The following CCDC178 variants were observed in gnomAD, a reference collection of about 807,000 sequenced individuals.
The protein encoded by CCDC178 is coiled-coil domain containing 178.
CCDC178 carries 126 observed loss-of-function variants against 117.4 expected under a neutral mutation model. That is an observed-to-expected ratio of 1.07 (90% CI 0.93 to 1.24). CCDC178 has a LOEUF of 1.24. Among genes scored for constraint, CCDC178 ranks in the 50% most tolerant of loss-of-function variants. CCDC178 has a pLI of 0.00. For synonymous variants in CCDC178, 283 were observed against 313.4 expected (o/e 0.90, Z 1.02); for missense variants, 1,030 against 986.9 (o/e 1.04, Z -0.59).
At chr18:32,979,963 G>T (rs1184025918) in intron 21 of CCDC178, among the ~76,000 whole-genome samples, 1 of 152,112 alleles carries the variant, frequency 6.6e-6, no homozygotes, top group African/African-American at 2.4e-5. Context: ...GTGCGGAAAG[G>T]ATGGCTAATA....
intron 21 of CCDC178, among the ~76,000 whole-genome samples, chr18:33,016,690 AT>A (rs1164400884): frequency 6.6e-6 from 1 of 152,000 alleles, no homozygotes. Context: ...GTATTAATTG[AT>A]ATTAGATTGT....
intron 22 of CCDC178, among the ~76,000 whole-genome samples, chr18:32,969,370 A>G (rs1217569728): frequency 1.3e-5 from 2 of 151,924 alleles, no homozygotes; most frequent in Non-Finnish European, 2.9e-5. Flanking sequence ...ATCTTCCCTA[A>G]TGCACCTGGC....
chr18:32,988,529 AG>A (rs1405694280), intron 21 of CCDC178, among the ~76,000 whole-genome samples: 1 of 152,210 alleles, frequency 6.6e-6, no homozygotes, highest in Non-Finnish European at 1.5e-5. Flanking sequence ...ATGATACTTA[AG>A]GGGGTTTATA....
chr18:33,421,243 C>T (rs1158015932), intron 2 of CCDC178, among the ~76,000 whole-genome samples: 1 of 152,152 alleles, frequency 6.6e-6, no homozygotes, highest in Non-Finnish European at 1.5e-5. Context: ...AGTTCTAGTA[C>T]AAAAGTATAA....
chr18:33,404,854 A>G (rs1881011029), intron 3 of CCDC178, among the ~76,000 whole-genome samples: 1 of 151,468 alleles, frequency 6.6e-6, no homozygotes, highest in Non-Finnish European at 1.5e-5. Context: ...AAAAGGTGAA[A>G]GGCATGCAGA....
At chr18:32,983,418 C>A in intron 21 of CCDC178, 1 of 843,966 alleles carries the variant, frequency 1.2e-6, no homozygotes, top group African/African-American at 1.7e-5. Flanking sequence ...TTCCTATCTA[C>A]AAACACAGTC....
intron 2 of CCDC178, among the ~76,000 whole-genome samples, chr18:33,417,135 G>T (rs2063953250): frequency 6.6e-6 from 1 of 152,080 alleles, no homozygotes; most frequent in Non-Finnish European, 1.5e-5. Flanking sequence ...CATTCAGATT[G>T]TACATGAATA....
Position 32,952,393 on chromosome 18 carries a change from C to T in CCDC178, c.2524-14302G>A, listed in dbSNP as rs1052691487. Among the ~76,000 whole-genome samples, 16 of 152,338 alleles carry T rather than the reference C, an allele frequency of 1.1e-4. No individual in the cohort carries two copies. In the East Asian group the frequency reaches 1.2e-3, roughly 11 times the overall value. ...GACTTCTGTGCACCCGCAGGCCCAA[C>T]ACCATGTGTAGGCCACCAAGGCTTT... On this transcript the variant is annotated intron_variant, in intron 22 of 22. Coordinates refer to ENST00000383096, the MANE Select transcript of CCDC178 (RefSeq NM_001105528.4).
At chr18:33,244,242 T>A (rs1332172540) in intron 15 of CCDC178, among the ~76,000 whole-genome samples, 1 of 151,974 alleles carries the variant, frequency 6.6e-6, no homozygotes, top group Admixed American at 6.6e-5. Flanking sequence ...CTAGGTATTT[T>A]TTTTTGCTCA....
At chr18:33,040,537 G>C (rs552242390) in intron 21 of CCDC178, among the ~76,000 whole-genome samples, 1 of 151,976 alleles carries the variant, frequency 6.6e-6, no homozygotes, top group South Asian at 2.1e-4. Context: ...TGGGAGAATA[G>C]GTCCAGAATG....
chr18:33,346,511 T>C, intron 8 of CCDC178, 100 bp from the exon 9 acceptor site: 1 of 500,920 alleles, frequency 2.0e-6, no homozygotes, highest in Non-Finnish European at 3.2e-6. Flanking sequence ...TTTCTATATA[T>C]TTAATAAGAG....
intron 6 of CCDC178, among the ~76,000 whole-genome samples, chr18:33,364,901 G>T (rs2063180545): frequency 1.3e-5 from 2 of 151,946 alleles, no homozygotes; most frequent in African/African-American, 4.8e-5. Flanking sequence ...GGAGACTATG[G>T]TTACATAACA....
chr18:33,364,210 C>T (rs1351996123), intron 6 of CCDC178, among the ~76,000 whole-genome samples: 1 of 152,008 alleles, frequency 6.6e-6, no homozygotes, highest in South Asian at 2.1e-4. Context: ...ATTGTAACCA[C>T]GTAAATGCTT....
chr18:33,200,696 T>C (rs1176352351), intron 20 of CCDC178, among the ~76,000 whole-genome samples: 1 of 152,240 alleles, frequency 6.6e-6, no homozygotes, highest in East Asian at 1.9e-4. Flanking sequence ...AGTTCTGCAA[T>C]ACTCATCTTC....
chr18:33,184,432 C>T (rs2058766420), intron 20 of CCDC178, among the ~76,000 whole-genome samples: 1 of 151,866 alleles, frequency 6.6e-6, no homozygotes, highest in African/African-American at 2.4e-5. Context: ...ATAAGCAATG[C>T]AATCAATAGT....
At chr18:32,975,050 T>C (rs1160416687) in intron 21 of CCDC178, among the ~76,000 whole-genome samples, 3 of 152,170 alleles carry the variant, frequency 2.0e-5, no homozygotes, top group Non-Finnish European at 4.4e-5. Flanking sequence ...AAATCATCTT[T>C]TGAAGCCGTT....
Position 33,119,204 on chromosome 18 carries a change from A to C in CCDC178, c.2239-26294T>G, listed in dbSNP as rs368257979. 2.4e-4 allele frequency among the ~76,000 whole-genome samples: 37 copies of C among 152,306 alleles called. No homozygotes were observed. The East Asian group carries it at 2.5e-3, about 10-fold the overall frequency. On this transcript the variant is annotated intron_variant, in intron 20 of 22. Transcript: ENST00000383096. ...TTGACAAATGGGATCTAATTAAACT[A>C]AAGAGCTTCTGCACAGCAAAAGAAA...
intron 10 of CCDC178, among the ~76,000 whole-genome samples, chr18:33,326,369 G>A (rs989351160): frequency 1.3e-5 from 2 of 152,156 alleles, no homozygotes; most frequent in African/African-American, 4.8e-5. Flanking sequence ...GGATATGTGG[G>A]TTTAATCAGC....
chr18:33,433,214 G>A (rs1334218853), intron 2 of CCDC178, among the ~76,000 whole-genome samples: 3 of 152,062 alleles, frequency 2.0e-5, no homozygotes, highest in African/African-American at 7.2e-5. Flanking sequence ...TCTGCAAAAG[G>A]ATATCCATGC....
Sources: allele counts gnomAD v4.1 joint callset (sites outside exome capture counted in the v4.1 genomes callset), GRCh38; gene constraint gnomAD v4.1.1; transcripts MANE v1.5; gene names NCBI Gene and HGNC (gene_info 2026-07-23, HGNC 2026-07-21).